The following PPP3CC variants were observed in gnomAD, a reference collection of about 807,000 sequenced individuals.
PPP3CC encodes the protein serine/threonine-protein phosphatase 2B catalytic subunit gamma isoform.
PPP3CC carries 35 observed loss-of-function variants against 60.3 expected under a neutral mutation model. The observed-to-expected ratio is 0.58, with a 90% CI of 0.44 to 0.77. The LOEUF (loss-of-function observed/expected upper bound fraction) is 0.77, where lower values mean the gene tolerates loss of function less well. PPP3CC is among the 30% of genes least tolerant of loss of function. The pLI is 0.00. For synonymous variants in PPP3CC, 206 were observed against 224.3 expected (o/e 0.92, Z 0.73); for missense variants, 570 against 628.9 (o/e 0.91, Z 1.00).
intron 1 of PPP3CC, among the ~76,000 whole-genome samples, chr8:22,454,022 C>G (rs954043089): frequency 6.6e-6 from 1 of 152,216 alleles, no homozygotes; most frequent in South Asian, 2.1e-4. Flanking sequence ...TTAGGCTATG[C>G]TAAATTTATA....
At chr8:22,522,154 C>A (rs538472984) in intron 6 of PPP3CC, among the ~76,000 whole-genome samples, 1 of 151,902 alleles carries the variant, frequency 6.6e-6, no homozygotes, top group African/African-American at 2.4e-5. Flanking sequence ...CACACACACA[C>A]ACACACACTA....
intron 5 of PPP3CC, among the ~76,000 whole-genome samples, chr8:22,511,560 G>A (rs568268628): frequency 9.2e-5 from 14 of 152,154 alleles, no homozygotes; most frequent in South Asian, 6.2e-4. Context: ...GTGAGCCACC[G>A]CACGCCTGGC....
At chr8:22,443,131 A>G (rs553615902) in intron 1 of PPP3CC, among the ~76,000 whole-genome samples, 11 of 152,336 alleles carry the variant, frequency 7.2e-5, no homozygotes, top group African/African-American at 2.4e-4. Context: ...CCACCATAAC[A>G]TGCCATAAGA....
chr8:22,459,494 T>C (rs922005377), intron 1 of PPP3CC, among the ~76,000 whole-genome samples: 1 of 151,748 alleles, frequency 6.6e-6, no homozygotes, highest in Non-Finnish European at 1.5e-5. Context: ...GATAAACTTA[T>C]AGGTGGTTTA....
chr8:22,452,986 G>A (rs991500703), intron 1 of PPP3CC, among the ~76,000 whole-genome samples: 1 of 152,142 alleles, frequency 6.6e-6, no homozygotes, highest in African/African-American at 2.4e-5. Context: ...ACACGCTTAG[G>A]TGCTTAGTAA....
intron 1 of PPP3CC, among the ~76,000 whole-genome samples, chr8:22,466,056 C>T (rs1367734445): frequency 6.6e-6 from 1 of 152,016 alleles, no homozygotes; most frequent in African/African-American, 2.4e-5. Flanking sequence ...TCTCATTGTT[C>T]AATTCCCACC....
chr8:22,531,156 C>G (rs999075279), intron 10 of PPP3CC: 2 of 700,444 alleles, frequency 2.9e-6, no homozygotes, highest in Non-Finnish European at 4.7e-6. Flanking sequence ...CCAAGGATAT[C>G]TCTTATGAGC....
intron 8 of PPP3CC, among the ~76,000 whole-genome samples, chr8:22,524,638 T>G (rs1174151985): frequency 6.6e-6 from 1 of 152,234 alleles, no homozygotes; most frequent in Non-Finnish European, 1.5e-5. Flanking sequence ...CTTGTGGCCC[T>G]AGATCTCCTA....
chr8:22,475,774 T>G (rs201291377), intron 3 of PPP3CC, 150 bp downstream of exon 3: 3 of 773,938 alleles, frequency 3.9e-6, no homozygotes, highest in South Asian at 2.4e-5. Context: ...AATGTTTTAA[T>G]TGATAGAACA....
rs1839944094 is a variant in PPP3CC at position 22,540,852 on chromosome 8, C to A, written c.*50C>A. On this transcript the variant is annotated 3_prime_UTR_variant, in exon 14 of 14. Coordinates refer to ENST00000240139, the MANE Select transcript of PPP3CC (RefSeq NM_005605.5). ...TGGATCTAAAACTCAAGAACAAATT[C>A]TATTTATTTATTATTGGAAAATGAA... 1.4e-6 allele frequency: 2 copies of A among 1,417,810 alleles called. No individual in the cohort carries two copies. The highest frequency in any genetic ancestry group is 1.9e-6 in the Non-Finnish European group (2 of 1,071,700). 87.8% of individuals were successfully genotyped at this position (1,417,810 alleles called of 1,614,324 possible). A position where few individuals can be genotyped will look rare whatever the true frequency, so the allele number is the denominator to read the frequency against.
intron 12 of PPP3CC, among the ~76,000 whole-genome samples, chr8:22,533,540 A>G (rs911088296): frequency 5.3e-5 from 8 of 152,240 alleles, no homozygotes; most frequent in Admixed American, 1.3e-4. Flanking sequence ...AAAGTGGCCA[A>G]TAGGCCTGGC....
At chr8:22,532,371 C>A in intron 11 of PPP3CC, 65 bp downstream of exon 11, 2 of 1,371,168 alleles carry the variant, frequency 1.5e-6, no homozygotes, top group Non-Finnish European at 2.1e-6. Context: ...ACGTCGAATT[C>A]AGAACAGTTT....
intron 1 of PPP3CC, among the ~76,000 whole-genome samples, chr8:22,453,914 G>A (rs1165896941): frequency 6.6e-6 from 1 of 152,192 alleles, no homozygotes; most frequent in Non-Finnish European, 1.5e-5. Flanking sequence ...TTGCAGGACT[G>A]GAAATTGCTC....
In PPP3CC at chr8:22,485,607, T is replaced by C. The variant is rs565330553; in HGVS notation, c.372+9983T>C. Among the ~76,000 whole-genome samples the C allele has an allele frequency of 1.2e-4, 18 of 152,338 alleles. No individual in the cohort carries two copies. The South Asian group carries it at 3.7e-3, about 32-fold the overall frequency. The stretch of plus-strand genomic sequence containing the variant: ...GGTCCCCAGTGTGGCTACCTTGTAC[T>C]ATAGTTCCAATGGCTGCTGATCTTC... On this transcript the variant is annotated intron_variant, in intron 3 of 13. Transcript: ENST00000240139.
chr8:22,508,343 A>G (rs1469653836), intron 4 of PPP3CC, among the ~76,000 whole-genome samples: 1 of 152,192 alleles, frequency 6.6e-6, no homozygotes, highest in Admixed American at 6.5e-5. Context: ...CAGCTAAACT[A>G]AGAAAAATAT....
chr8:22,537,284 A>C (rs142011529), intron 12 of PPP3CC, among the ~76,000 whole-genome samples: 5 of 152,362 alleles, frequency 3.3e-5, no homozygotes, highest in Non-Finnish European at 7.4e-5. Flanking sequence ...CCATGAAGAC[A>C]TACAAATGGC....
intron 1 of PPP3CC, among the ~76,000 whole-genome samples, chr8:22,458,844 G>A (rs947921570): frequency 1.3e-5 from 2 of 152,036 alleles, no homozygotes; most frequent in Non-Finnish European, 2.9e-5. Flanking sequence ...AGGAGTTGAT[G>A]ATTTTATACA....
intron 3 of PPP3CC, among the ~76,000 whole-genome samples, chr8:22,490,167 G>A (rs1838357495): frequency 2.0e-5 from 3 of 151,986 alleles, no homozygotes; most frequent in Admixed American, 2.0e-4. Flanking sequence ...AGCTTTTACA[G>A]ATAAAATATT....
At chr8:22,474,276 T>C (rs1233998858) in intron 1 of PPP3CC, among the ~76,000 whole-genome samples, 3 of 152,200 alleles carry the variant, frequency 2.0e-5, no homozygotes, top group African/African-American at 7.2e-5. Flanking sequence ...TACTTTTCTT[T>C]CATTTTCTTT....
Sources: gnomAD v4.1 joint callset for allele counts (sites outside exome capture counted in the v4.1 genomes callset) on GRCh38, gnomAD v4.1.1 for gene constraint, MANE v1.5 for transcripts, NCBI Gene and HGNC (gene_info 2026-07-23, HGNC 2026-07-21) for gene names.